The following CAND1 variants were observed in gnomAD, a reference collection of about 807,000 sequenced individuals.
CAND1 encodes the protein cullin-associated NEDD8-dissociated protein 1.
In CAND1, 7 loss-of-function variants were observed where a neutral mutation model predicts 108.5. That is an observed-to-expected ratio of 0.06 (90% CI 0.04 to 0.12). The LOEUF is 0.12. Among genes scored for constraint, CAND1 ranks in the 10% least tolerant of loss-of-function variants. The pLI, the probability that CAND1 is intolerant of heterozygous loss-of-function variation, is 1.00. For missense variants in CAND1, 941 were observed against 1,448.7 expected (o/e 0.65, Z 5.69); for synonymous variants, 534 against 512.0 (o/e 1.04, Z -0.58).
intron 1 of CAND1, among the ~76,000 whole-genome samples, chr12:67,281,459 A>C (rs1209132557): frequency 2.6e-5 from 4 of 152,206 alleles, no homozygotes; most frequent in Non-Finnish European, 5.9e-5. Flanking sequence ...TAATGTTTGG[A>C]AGGTGTTCTT....
At chr12:67,277,999 T>C (rs934759665) in intron 1 of CAND1, among the ~76,000 whole-genome samples, 1 of 152,218 alleles carries the variant, frequency 6.6e-6, no homozygotes, top group Non-Finnish European at 1.5e-5. Flanking sequence ...ATTCCCCATC[T>C]GTAACCCAGT....
At chr12:67,291,421 A>G (rs191096164) in intron 2 of CAND1, among the ~76,000 whole-genome samples, 15 of 152,148 alleles carry the variant, frequency 9.9e-5, no homozygotes, top group African/African-American at 3.6e-4. Flanking sequence ...GTTTGGTAAT[A>G]GAAAGAAAGG....
chr12:67,292,956 G>A, intron 3 of CAND1, 180 bp downstream of exon 3: 1 of 553,140 alleles, frequency 1.8e-6, no homozygotes, highest in Non-Finnish European at 3.2e-6. Context: ...AGAAATAAAT[G>A]TTAAATGAAT....
intron 11 of CAND1, among the ~76,000 whole-genome samples, chr12:67,308,864 G>A (rs1459270603): frequency 1.3e-5 from 2 of 151,478 alleles, no homozygotes; most frequent in Admixed American, 1.3e-4. Context: ...TATCAACATT[G>A]GGTTTCCCAA....
At chr12:67,278,949 G>A (rs2044595011) in intron 1 of CAND1, among the ~76,000 whole-genome samples, 1 of 152,134 alleles carries the variant, frequency 6.6e-6, no homozygotes, top group Admixed American at 6.5e-5. Flanking sequence ...TAAGCTCCAA[G>A]ACAGCAAGAA....
chr12:67,276,764 A>T (rs1246601915), intron 1 of CAND1, among the ~76,000 whole-genome samples: 1 of 152,230 alleles, frequency 6.6e-6, no homozygotes, highest in Non-Finnish European at 1.5e-5. Context: ...TAGTAATAAC[A>T]CTGAGGTTTA....
rs1041971880 is a variant in CAND1, at chr12:67,299,109, A to G, written c.1000+14A>G. On this transcript the variant is annotated intron_variant, in intron 7 of 14. Coordinates refer to ENST00000545606, the MANE Select transcript of CAND1 (RefSeq NM_018448.5). ...ATGATGATCAAGGTATTGCAAATTAAATAGAATCTTTTGAGTTTTTGTGAA... is the reference window on the plus strand; with the variant it reads ...ATGATGATCAAGGTATTGCAAATTAGATAGAATCTTTTGAGTTTTTGTGAA... 1.3e-6 allele frequency: 2 copies of G among 1,509,916 alleles called. No individual in the cohort carries two copies. The highest frequency in any genetic ancestry group is 2.8e-5 in the African/African-American group (2 of 70,808). 93.5% of individuals were successfully genotyped at this position (1,509,916 alleles called of 1,614,324 possible). A position where few individuals can be genotyped will look rare whatever the true frequency, so the allele number is the denominator to read the frequency against.
At chr12:67,312,545 AT>A in intron 14 of CAND1, 60 bp from the exon 15 acceptor site, 1 of 1,119,670 alleles carries the variant, frequency 8.9e-7, no homozygotes, top group South Asian at 1.6e-5. Context: ...ATGTGCTTAA[AT>A]TTTGTTCATG....
chr12:67,288,510 A>G (rs563255308), intron 2 of CAND1, among the ~76,000 whole-genome samples: 20 of 152,264 alleles, frequency 1.3e-4, no homozygotes, highest in Non-Finnish European at 2.6e-4. Context: ...ACTTTTCCCT[A>G]TAGTAAAGTC....
chr12:67,305,074 C>A lies in CAND1; in HGVS notation c.1436-30C>A. ...TTTTCTTTCTTAAAAGTCTGCACAG[C>A]AATGATTGGATTTTTTGTTGGCTTT... On this transcript the variant is annotated intron_variant, in intron 9 of 14. Coordinates refer to ENST00000545606, the MANE Select transcript of CAND1 (RefSeq NM_018448.5). The surrounding 1 kb of genome is among the most constrained non-coding windows in gnomAD (Gnocchi z 4.4). 1 of 1,582,154 alleles carries A rather than the reference C, an allele frequency of 6.3e-7. No individual in the cohort carries two copies. The highest frequency in any genetic ancestry group is 8.6e-7 in the Non-Finnish European group (1 of 1,161,766).
In CAND1 at chr12:67,302,618, G is replaced by C. The variant is rs2044836635; in HGVS notation, c.1293+3G>C. On this transcript the variant is annotated splice_donor_region_variant and intron_variant, in intron 8 of 14. Transcript: ENST00000545606. ...CTTTAACAATGCTTCAGAGTCAGGT[G>C]GGTTTTAAAGTAAAGTTTAGAAAAT... The C allele has an allele frequency of 6.3e-7, 1 of 1,599,878 alleles. No homozygotes were observed. The highest frequency in any genetic ancestry group is 8.5e-7 in the Non-Finnish European group (1 of 1,169,964).
intron 1 of CAND1, chr12:67,270,670 A>G (rs184536673): frequency 6.7e-6 from 1 of 150,076 alleles, no homozygotes; most frequent in Admixed American, 6.7e-5. Flanking sequence ...GATTTGTTAT[A>G]TTTTTACAGG....
At chr12:67,277,724 A>G (rs2044582889) in intron 1 of CAND1, among the ~76,000 whole-genome samples, 1 of 152,216 alleles carries the variant, frequency 6.6e-6, no homozygotes, top group African/African-American at 2.4e-5. Flanking sequence ...AGGAAGCATT[A>G]ATTTTGCTTT....
chr12:67,291,134 GGAA>G (rs1252273419), intron 2 of CAND1, among the ~76,000 whole-genome samples: 37 of 152,210 alleles, frequency 2.4e-4, no homozygotes, highest in Middle Eastern at 6.8e-3. Context: ...AAAATCTATG[GGAA>G]GAACACAAAG....
In CAND1 at chr12:67,316,499, G is replaced by T. The variant is rs927577274; in HGVS notation, c.*3669G>T. 2 of 152,184 alleles carry T rather than the reference G, an allele frequency of 1.3e-5. No homozygotes were observed. The highest frequency in any genetic ancestry group is 4.8e-5 in the African/African-American group (2 of 41,444). The allele number at this position is 152,184 out of a possible 1,614,324, so 9.4% of individuals were successfully genotyped here. On this transcript the variant is annotated 3_prime_UTR_variant, in exon 15 of 15. Coordinates refer to ENST00000545606, the MANE Select transcript of CAND1 (RefSeq NM_018448.5). ...TTTCAGCAACATGTTTTTGCTCTTT[G>T]TAACTTAGAAAGTTAGCTCTGAATC...
In CAND1 at chr12:67,297,522, G is replaced by C; in HGVS notation, c.607G>C (p.Val203Leu). ...AACCATTATCGCTCTTGGCCATCTG[G>C]TTATGAGCTGTGGAAATATAGTTTT... is the stretch of plus-strand genomic sequence containing the variant. ...KRTIIALGHL[V>L]MSCGNIVFVD... Residue 203 changes from valine (V) to leucine (L), a missense_variant, in exon 5 of 15, where the codon GTT becomes CTT. Val to Leu is a conservative substitution (Grantham distance 32). Coordinates refer to ENST00000545606, the MANE Select transcript of CAND1 (RefSeq NM_018448.5). The C allele has an allele frequency of 1.2e-6, 2 of 1,614,052 alleles. No homozygotes were observed.
chr12:67,292,635 G>C lies in CAND1; in HGVS notation c.226G>C (p.Val76Leu). 1 of 1,609,612 alleles carries C rather than the reference G, an allele frequency of 6.2e-7. No individual in the cohort carries two copies. The highest frequency in any genetic ancestry group is 8.5e-7 in the Non-Finnish European group (1 of 1,178,370). Reference sequence around the variant, plus strand: ...TTTGTATTACAGTCTTGGTCCTTTAGTGAGTAAAGTGAAAGAATACCAAGT... The same window carrying C: ...TTTGTATTACAGTCTTGGTCCTTTACTGAGTAAAGTGAAAGAATACCAAGT... ...NLAVKCLGPL[V>L]SKVKEYQVET... Residue 76 changes from valine to leucine, a missense_variant, in exon 3 of 15, where the codon GTG becomes CTG. Transcript: ENST00000545606.
chr12:67,309,432 A>G (rs1171050110), intron 11 of CAND1, among the ~76,000 whole-genome samples: 3 of 152,050 alleles, frequency 2.0e-5, no homozygotes, highest in Non-Finnish European at 4.4e-5. Context: ...GATTAATTGT[A>G]TATCTGCTAA....
In CAND1 at chr12:67,307,387, T is replaced by G; in HGVS notation, c.2930-10T>G. On this transcript the variant is annotated splice_polypyrimidine_tract_variant and intron_variant, in intron 10 of 14. Transcript: ENST00000545606. Reference sequence around the variant, plus strand: ...ACATACCAATAGACTTGCAATTTATTTTTAACTAGGCTCATCATATGCCCG... The same window carrying G: ...ACATACCAATAGACTTGCAATTTATGTTTAACTAGGCTCATCATATGCCCG... The G allele has an allele frequency of 6.2e-7, 1 of 1,604,798 alleles. No homozygotes were observed. The highest frequency in any genetic ancestry group is 8.5e-7 in the Non-Finnish European group (1 of 1,173,308).
Sources: gnomAD v4.1 joint callset for allele counts (sites outside exome capture counted in the v4.1 genomes callset) on GRCh38, gnomAD v4.1.1 for gene constraint, Gnocchi (gnomAD v3.1) non-coding constraint, MANE v1.5 for transcripts, NCBI Gene and HGNC (gene_info 2026-07-23, HGNC 2026-07-21) for gene names.